The following CLTCL1 variants were observed in gnomAD, a reference collection of about 807,000 sequenced individuals.
CLTCL1 encodes the protein clathrin heavy chain like 1, also known as clathrin heavy chain 2.
Under a neutral mutation model 190.0 loss-of-function variants are expected in CLTCL1, and 159 were observed. The ratio of observed to expected loss-of-function variants is 0.84; its 90% CI spans 0.74 to 0.95. The LOEUF (loss-of-function observed/expected upper bound fraction) is 0.95, where lower values mean the gene tolerates loss of function less well. Among genes scored for constraint, CLTCL1 ranks in the 40% least tolerant of loss-of-function variants. CLTCL1 has a pLI of 0.00. For missense variants in CLTCL1, 1,878 were observed against 2,033.4 expected (o/e 0.92, Z 1.47); for synonymous variants, 752 against 769.6 (o/e 0.98, Z 0.38).
chr22:19,230,439 C>T (rs1306535303), intron 10 of CLTCL1, among the ~76,000 whole-genome samples: 6 of 152,068 alleles, frequency 3.9e-5, no homozygotes, highest in East Asian at 3.9e-4. Flanking sequence ...AATTCACATA[C>T]AGCCAGGTGT....
chr22:19,242,802 A>G lies in CLTCL1; in HGVS notation c.654T>C (p.Phe218=). The change falls in exon 4 of 33, where the codon TTT becomes TTC. Residue 218 remains phenylalanine, a synonymous_variant. Coordinates refer to ENST00000427926, the MANE Select transcript of CLTCL1 (RefSeq NM_007098.4). ...GNAKPATLFC[F]AVRNPTGGKL... ...TGCCTCCTGTGGGATTACGTACAGCAAAGCAGAAAAGGGTGGCAGGCTTGG... is the reference window on the plus strand; with the variant it reads ...TGCCTCCTGTGGGATTACGTACAGCGAAGCAGAAAAGGGTGGCAGGCTTGG... 6.2e-7 allele frequency: 1 copy of G among 1,613,964 alleles called. No homozygotes were observed. The highest frequency in any genetic ancestry group is 8.5e-7 in the Non-Finnish European group (1 of 1,179,882).
rs1555955952 is a variant in CLTCL1 at position 19,226,274 on chromosome 22, G to A, written c.1892C>T (p.Thr631Ile). The change falls in exon 12 of 33, where the codon ACC (threonine) becomes ATC (isoleucine). Residue 631 changes from threonine (T) to isoleucine (I), a missense_variant. Coordinates refer to ENST00000427926, the MANE Select transcript of CLTCL1 (RefSeq NM_007098.4). The part of the protein sequence containing the change: ...GLLQQALEHY[T>I]DLYDIKRAVV... ...AGCCCTCTTGATGTCATAGAGGTCG[G>A]TGTAGTGCTCCAGTGCTTGCTGCAG... The A allele has an allele frequency of 6.2e-7, 1 of 1,614,070 alleles. No homozygotes were observed. The highest frequency in any genetic ancestry group is 8.5e-7 in the Non-Finnish European group (1 of 1,179,894).
intron 2 of CLTCL1, among the ~76,000 whole-genome samples, chr22:19,265,821 T>C (rs980451657): frequency 6.6e-6 from 1 of 152,196 alleles, no homozygotes; most frequent in Non-Finnish European, 1.5e-5. Context: ...GCAGCCTATA[T>C]ACACCTTGCC....
chr22:19,271,334 CT>C (rs879963522), intron 2 of CLTCL1, among the ~76,000 whole-genome samples: 4 of 152,104 alleles, frequency 2.6e-5, no homozygotes, highest in African/African-American at 4.8e-5. Context: ...AGATTTCCCC[CT>C]TGCTGTTCTG....
chr22:19,190,844 C>T (rs1569149612), intron 27 of CLTCL1, among the ~76,000 whole-genome samples: 1 of 150,982 alleles, frequency 6.6e-6, no homozygotes, highest in East Asian at 1.9e-4. Context: ...GTGGCACGAT[C>T]TTGGCTCACT....
chr22:19,251,707 T>C (rs929083295), intron 3 of CLTCL1, among the ~76,000 whole-genome samples: 4 of 152,026 alleles, frequency 2.6e-5, no homozygotes, highest in African/African-American at 7.2e-5. Context: ...CCGCCCGCCT[T>C]GGCCTCCCAA....
intron 3 of CLTCL1, among the ~76,000 whole-genome samples, chr22:19,252,186 T>A (rs569194947): frequency 6.6e-6 from 1 of 152,350 alleles, no homozygotes; most frequent in African/African-American, 2.4e-5. Flanking sequence ...CCTCCAGTCT[T>A]CATGGTGGTC....
At chr22:19,187,065 G>A (rs1555928664) in intron 29 of CLTCL1, among the ~76,000 whole-genome samples, 3 of 151,512 alleles carry the variant, frequency 2.0e-5, no homozygotes, top group Non-Finnish European at 4.4e-5. Flanking sequence ...CCGAGTGGCT[G>A]GTACCACAGA....
intron 27 of CLTCL1, among the ~76,000 whole-genome samples, chr22:19,189,938 G>A (rs1555930572): frequency 1.3e-5 from 2 of 152,094 alleles, no homozygotes; most frequent in Admixed American, 6.5e-5. Flanking sequence ...TAGCTATTTT[G>A]AAATGCACAA....
chr22:19,188,673 G>A (rs1555929835), intron 27 of CLTCL1, among the ~76,000 whole-genome samples: 4 of 149,912 alleles, frequency 2.7e-5, no homozygotes, highest in African/African-American at 9.9e-5. Context: ...GTGCAGTGCC[G>A]TGATCTCGGC....
At position 19,291,588 on chromosome 22, in the gene CLTCL1, G is replaced by A; in HGVS notation, c.42+12C>T. ...GGCTGACAGGGCAGCCCCCCAGCCC[G>A]CCGGGCCTCACCTGGAAGTGCTCCT... On this transcript the variant is annotated intron_variant, in intron 1 of 32. Coordinates refer to ENST00000427926, the MANE Select transcript of CLTCL1 (RefSeq NM_007098.4). 2.2e-6 allele frequency: 3 copies of A among 1,381,112 alleles called. No individual in the cohort carries two copies. Among genetic ancestry groups the A allele is most frequent in the Non-Finnish European group, 2.8e-6 (3 of 1,053,636 alleles). The allele number at this position is 1,381,112 out of a possible 1,614,324, so 85.6% of individuals were successfully genotyped here.
intron 25 of CLTCL1, 31 bp downstream of exon 25, chr22:19,196,458 C>T (rs374830800): frequency 1.1e-5 from 18 of 1,613,794 alleles, no homozygotes; most frequent in African/African-American, 4.0e-5. Flanking sequence ...CACGTGGCCA[C>T]GGCTGCCAGA....
At chr22:19,234,482 A>C in intron 7 of CLTCL1, 27 bp downstream of exon 7, 3 of 1,576,128 alleles carry the variant, frequency 1.9e-6, no homozygotes, top group Non-Finnish European at 2.6e-6. Context: ...CACTCAGAAC[A>C]CTTGAACAGT....
At position 19,201,238 on chromosome 22, in the gene CLTCL1, G is replaced by A. The variant is rs554422300; in HGVS notation, c.3765+91C>T. 1.8e-4 allele frequency: 250 copies of A among 1,424,110 alleles called. 1 individual carries two copies. The South Asian group carries it at 2.8e-3, about 16-fold the overall frequency. The allele number at this position is 1,424,110 out of a possible 1,614,324, so 88.2% of individuals were successfully genotyped here. On this transcript the variant is annotated intron_variant, in intron 23 of 32. Transcript: ENST00000427926. ...CAGACCCCTGCCTGGGCAAGAGACC[G>A]GCACCCAGAAGAGTACCGAGCAGAA... is the stretch of plus-strand genomic sequence containing the variant.
intron 1 of CLTCL1, among the ~76,000 whole-genome samples, chr22:19,281,698 A>G (rs1483483151): frequency 2.0e-5 from 3 of 152,160 alleles, no homozygotes; most frequent in Non-Finnish European, 4.4e-5. Flanking sequence ...TGGGTTTTCT[A>G]AATTGTCCTT....
intron 15 of CLTCL1, 123 bp downstream of exon 15, chr22:19,222,561 C>A: frequency 1.7e-6 from 2 of 1,190,048 alleles, no homozygotes; most frequent in Non-Finnish European, 2.4e-6. Flanking sequence ...AGCACACGAA[C>A]CCACCACCCT....
At chr22:19,210,576 G>A in intron 19 of CLTCL1, 67 bp from the exon 20 acceptor site, 1 of 1,462,612 alleles carries the variant, frequency 6.8e-7, no homozygotes, top group Admixed American at 2.0e-5. Flanking sequence ...TTTTTGGCAG[G>A]TCAGGCATCC....
intron 21 of CLTCL1, 114 bp from the exon 22 acceptor site, chr22:19,208,425 T>A (rs1016032941): frequency 2.4e-6 from 3 of 1,241,592 alleles, no homozygotes; most frequent in Non-Finnish European, 3.4e-6. Context: ...TATGTCTCAC[T>A]GGGAACTCAG....
At chr22:19,252,819 C>G (rs1476242525) in intron 3 of CLTCL1, among the ~76,000 whole-genome samples, 1 of 152,132 alleles carries the variant, frequency 6.6e-6, no homozygotes, top group Non-Finnish European at 1.5e-5. Context: ...TCAAGGCCAT[C>G]CTGGCTAACA....
Sources: allele counts gnomAD v4.1 joint callset (sites outside exome capture counted in the v4.1 genomes callset), GRCh38; gene constraint gnomAD v4.1.1; transcripts MANE v1.5; gene names NCBI Gene and HGNC (gene_info 2026-07-23, HGNC 2026-07-21).